Variants in CSNK1G1 observed in about 807,000 individuals in gnomAD.
CSNK1G1 encodes the protein casein kinase 1 gamma 1, also known as casein kinase I isoform gamma-1.
In CSNK1G1, 22 loss-of-function variants were observed where a neutral mutation model predicts 59.6. That is an observed-to-expected ratio of 0.37 (90% CI 0.26 to 0.53). The LOEUF is 0.53. CSNK1G1 is among the 20% of genes least tolerant of loss of function. The probability of loss-of-function intolerance (pLI) is 0.89; values close to 1 mark genes in which losing one functional copy is unlikely to be tolerated. For missense variants in CSNK1G1, 384 were observed against 519.5 expected, an observed-to-expected ratio of 0.74 and a Z score of 2.54; for synonymous variants, 179 against 177.1, an observed-to-expected ratio of 1.01 and a Z score of -0.08.
At chr15:64,230,589 C>T (rs2082533605) in intron 4 of CSNK1G1, among the ~76,000 whole-genome samples, 1 of 152,160 alleles carries the variant, frequency 6.6e-6, no homozygotes, top group Admixed American at 6.6e-5. Flanking sequence ...CTTCTTTGGT[C>T]CCTATTCTGA....
At chr15:64,265,930 T>G (rs1892957503) in intron 2 of CSNK1G1, 2 of 424,854 alleles carry the variant, frequency 4.7e-6, no homozygotes, top group Non-Finnish European at 9.4e-6. Flanking sequence ...AAAAAAAATT[T>G]TTAATTAGCC....
chr15:64,193,817 A>G (rs2082004981), intron 10 of CSNK1G1: 1 of 152,194 alleles, frequency 6.6e-6, no homozygotes, highest in Admixed American at 6.5e-5. Context: ...ACAATGGTGT[A>G]AGATACCTCC....
At chr15:64,178,511 C>T (rs1396622215) in intron 11 of CSNK1G1, among the ~76,000 whole-genome samples, 1 of 136,898 alleles carries the variant, frequency 7.3e-6, no homozygotes, top group Non-Finnish European at 1.5e-5. Flanking sequence ...GAGATGGAGT[C>T]TCGCTCTGTC....
chr15:64,260,692 T>G (rs1246795382), intron 2 of CSNK1G1, among the ~76,000 whole-genome samples: 1 of 151,954 alleles, frequency 6.6e-6, no homozygotes, highest in Non-Finnish European at 1.5e-5. Context: ...AAGCCAAGAT[T>G]ACACCACTGT....
At position 64,176,907 on chromosome 15, in the gene CSNK1G1, A is replaced by C. The variant is rs1313651419; in HGVS notation, c.1214+3441T>G. ...GTATAACTACCAGAGAAGGACCTAA[A>C]TTCTACTCTTGTTAATGCTCAGGAG... On this transcript the variant is annotated intron_variant, in intron 11 of 11. Transcript: ENST00000303052. This position sits in a 1 kb window ranked among gnomAD's most constrained non-coding sequence, Gnocchi z 5.2. 6.6e-6 allele frequency among the ~76,000 whole-genome samples: 1 copy of C among 152,224 alleles called. No individual in the cohort carries two copies. The highest frequency in any genetic ancestry group is 1.5e-5 in the Non-Finnish European group (1 of 68,044).
chr15:64,345,801 A>AT (rs879686828), intron 1 of CSNK1G1, among the ~76,000 whole-genome samples: 18 of 150,848 alleles, frequency 1.2e-4, no homozygotes, highest in South Asian at 2.1e-4. Context: ...AAAAAAACTT[A>AT]TTTTTTTTTG....
In CSNK1G1 at chr15:64,206,703, A is replaced by C. The variant is rs543095603; in HGVS notation, c.765+806T>G. On this transcript the variant is annotated intron_variant, in intron 7 of 11. Coordinates refer to ENST00000303052, the MANE Select transcript of CSNK1G1 (RefSeq NM_022048.5). ...CAGCCAAAGGCACAGAGTAATGATA[A>C]TGCTCATAATTATAATAGTAAACTG... Among the ~76,000 whole-genome samples, 343 of 152,064 alleles carry C rather than the reference A, an allele frequency of 2.3e-3. 2 individuals are homozygous for C. The highest frequency in any genetic ancestry group is 2.9e-3 in the Non-Finnish European group (200 of 67,994).
intron 10 of CSNK1G1, among the ~76,000 whole-genome samples, chr15:64,198,192 C>CT (rs893282431): frequency 0.054 from 5,932 of 110,444 alleles, 417 homozygotes; most frequent in African/African-American, 0.12. Context: ...ACAGGATATA[C>CT]TTTTTTTTTT....
intron 2 of CSNK1G1, among the ~76,000 whole-genome samples, chr15:64,278,712 C>T (rs1893947389): frequency 6.6e-6 from 1 of 152,110 alleles, no homozygotes; most frequent in South Asian, 2.1e-4. Flanking sequence ...AGGCATGAGC[C>T]ACCGTGCCCA....
chr15:64,309,767 C>T (rs988122233), intron 1 of CSNK1G1, among the ~76,000 whole-genome samples: 1 of 152,112 alleles, frequency 6.6e-6, no homozygotes, highest in African/African-American at 2.4e-5. Context: ...AATTTTCACC[C>T]ATTTTAAATG....
intron 2 of CSNK1G1, among the ~76,000 whole-genome samples, chr15:64,272,157 G>T (rs1420086283): frequency 6.6e-6 from 1 of 151,448 alleles, no homozygotes; most frequent in Non-Finnish European, 1.5e-5. Context: ...CATGACATGG[G>T]TCTCTTGAAG....
At chr15:64,263,451 T>C (rs568079069) in intron 2 of CSNK1G1, among the ~76,000 whole-genome samples, 68 of 151,944 alleles carry the variant, frequency 4.5e-4, no homozygotes, top group Non-Finnish European at 7.8e-4. Context: ...CCTCCCAAAG[T>C]GCTGGGATTA....
At chr15:64,236,983 T>C (rs759110895) in intron 4 of CSNK1G1, among the ~76,000 whole-genome samples, 15 of 152,204 alleles carry the variant, frequency 9.9e-5, no homozygotes, top group Non-Finnish European at 1.6e-4. Flanking sequence ...TCCTGTCATT[T>C]GCAGCAACAA....
At chr15:64,342,124 T>G (rs1252408225) in intron 1 of CSNK1G1, among the ~76,000 whole-genome samples, 1 of 152,192 alleles carries the variant, frequency 6.6e-6, no homozygotes, top group Admixed American at 6.6e-5. Flanking sequence ...CTTTTCAGAC[T>G]CAAGTATTTT....
At chr15:64,290,574 T>TTA (rs1463975726) in intron 2 of CSNK1G1, among the ~76,000 whole-genome samples, 2 of 151,958 alleles carry the variant, frequency 1.3e-5, no homozygotes, top group African/African-American at 4.8e-5. Context: ...CACTGAAGAC[T>TTA]TAAAAGGGTG....
chr15:64,246,153 A>G (rs1891741216), intron 4 of CSNK1G1, among the ~76,000 whole-genome samples: 1 of 152,338 alleles, frequency 6.6e-6, no homozygotes, highest in African/African-American at 2.4e-5. Context: ...AACCACCCTG[A>G]CTTGATAATT....
At chr15:64,352,447 C>CTTTTTTTTTTTTTTTTTTTTTTTTTTTT (rs1165768581) in intron 1 of CSNK1G1, among the ~76,000 whole-genome samples, 5 of 89,430 alleles carry the variant, frequency 5.6e-5, no homozygotes, top group African/African-American at 1.8e-4. Context: ...TTGAATTCTT[C>CTTTTTTTTTTTTTTTTTTTTTTTTTTTT]TTTTTTTTTT....
chr15:64,223,451 G>A (rs891352075), intron 4 of CSNK1G1, among the ~76,000 whole-genome samples: 10 of 152,150 alleles, frequency 6.6e-5, no homozygotes, highest in Admixed American at 1.3e-4. Flanking sequence ...GGAGACTCAG[G>A]CAAGGAAGAT....
intron 10 of CSNK1G1, among the ~76,000 whole-genome samples, chr15:64,191,175 C>A (rs1317653270): frequency 6.6e-6 from 1 of 152,160 alleles, no homozygotes; most frequent in Admixed American, 6.6e-5. Flanking sequence ...CATTCTCCTG[C>A]CTCAGCCTCC....
Sources: gnomAD v4.1 joint callset for allele counts (sites outside exome capture counted in the v4.1 genomes callset) on GRCh38, gnomAD v4.1.1 for gene constraint, Gnocchi (gnomAD v3.1) non-coding constraint, MANE v1.5 for transcripts, NCBI Gene and HGNC (gene_info 2026-07-23, HGNC 2026-07-21) for gene names.